CNNM1: variants seen among roughly 807,000 people sequenced by gnomAD.
CNNM1 encodes cyclin and CBS domain divalent metal cation transport mediator 1, also known as metal transporter CNNM1.
CNNM1 carries 44 observed loss-of-function variants against 78.8 expected under a neutral mutation model. The ratio of observed to expected loss-of-function variants is 0.56; its 90% CI spans 0.44 to 0.72. The LOEUF is 0.72. Among genes scored for constraint, CNNM1 ranks in the 30% least tolerant of loss-of-function variants. The probability of loss-of-function intolerance (pLI) is 0.00; values close to 1 mark genes in which losing one functional copy is unlikely to be tolerated. For synonymous variants in CNNM1, 584 were observed against 581.5 expected, an observed-to-expected ratio of 1.00 and a Z score of -0.06; for missense variants, 1,101 against 1,292.2, an observed-to-expected ratio of 0.85 and a Z score of 2.27.
chr10:99,363,740 CTTTTT>C (rs869281521), intron 4 of CNNM1, among the ~76,000 whole-genome samples: 112 of 121,894 alleles, frequency 9.2e-4, no homozygotes, highest in African/African-American at 3.5e-3. Flanking sequence ...TAGATTTTAT[CTTTTT>C]TTTTTTTTTT....
chr10:99,364,988 G>A lies in CNNM1; in HGVS notation c.2162G>A (p.Gly721Glu). The A allele has an allele frequency of 3.7e-6, 6 of 1,613,878 alleles. No homozygotes were observed. The highest frequency in any genetic ancestry group is 1.3e-5 in the African/African-American group (1 of 75,016). ...NDVRKVGSLA[G>E]SSVFLNRSPS... ...GTGCGGAAGGTTGGAAGTCTGGCTG[G>A]ATCTTCTGTCTTTCGTATGTATCTC... is the stretch of plus-strand genomic sequence containing the variant. Residue 721 changes from glycine (G) to glutamate (E), a missense_variant, in exon 6 of 11, where the codon GGA (glycine) becomes GAA (glutamate). Transcript: ENST00000356713.
chr10:99,357,881 G>A (rs2031277904), intron 2 of CNNM1, among the ~76,000 whole-genome samples: 1 of 152,168 alleles, frequency 6.6e-6, no homozygotes, highest in Non-Finnish European at 1.5e-5. Context: ...GAACCTTCAG[G>A]AACTGAGCCA....
chr10:99,386,764 G>A (rs2032318859), intron 7 of CNNM1, among the ~76,000 whole-genome samples: 2 of 152,152 alleles, frequency 1.3e-5, no homozygotes, highest in African/African-American at 2.4e-5. Flanking sequence ...CAACATGTCA[G>A]CCTTAACCAT....
chr10:99,357,915 A>G (rs1401990588), intron 2 of CNNM1, among the ~76,000 whole-genome samples: 1 of 152,168 alleles, frequency 6.6e-6, no homozygotes, highest in East Asian at 1.9e-4. Flanking sequence ...GAGACCTCCC[A>G]GCCTTTGGAT....
At chr10:99,345,146 T>G (rs73328310) in intron 1 of CNNM1, among the ~76,000 whole-genome samples, 4,202 of 152,264 alleles carry the variant, frequency 0.028, 190 homozygotes, top group African/African-American at 0.095. Flanking sequence ...AGTTTCCTTA[T>G]CTACATATTA....
intron 1 of CNNM1, among the ~76,000 whole-genome samples, chr10:99,332,205 T>C (rs1333404620): frequency 6.6e-6 from 1 of 152,136 alleles, no homozygotes; most frequent in Non-Finnish European, 1.5e-5. Flanking sequence ...ACACCAGACA[T>C]CATAATTTGA....
intron 1 of CNNM1, among the ~76,000 whole-genome samples, chr10:99,337,475 T>A (rs7914148): frequency 6.6e-6 from 1 of 152,166 alleles, no homozygotes; most frequent in African/African-American, 2.4e-5. Context: ...TTTATTCACA[T>A]TGCACTTCTG....
Position 99,330,597 on chromosome 10 carries a change from G to A in CNNM1, c.1210G>A (p.Ala404Thr). 1 of 1,612,666 alleles carries A rather than the reference G, an allele frequency of 6.2e-7. No homozygotes were observed. The highest frequency in any genetic ancestry group is 8.5e-7 in the Non-Finnish European group (1 of 1,179,384). ...GAAGTTGCTGGAGACGTTGCGGGCC[G>A]CAGACCCCTACAGTGACCTGGTGAA... The part of the protein sequence containing the change: ...REKLLETLRA[A>T]DPYSDLVKEE... Residue 404 changes from alanine to threonine, a missense_variant, in exon 1 of 11, where the codon GCA becomes ACA. By Grantham distance (58) the Ala-to-Thr change is moderately conservative. Coordinates refer to ENST00000356713, the MANE Select transcript of CNNM1 (RefSeq NM_020348.3).
chr10:99,359,496 A>C (rs533013120), intron 2 of CNNM1, among the ~76,000 whole-genome samples: 1 of 152,128 alleles, frequency 6.6e-6, no homozygotes, highest in Admixed American at 6.5e-5. Flanking sequence ...TGATCTGGAC[A>C]CCTGGGTCTG....
intron 1 of CNNM1, among the ~76,000 whole-genome samples, chr10:99,350,682 G>A (rs1389131602): frequency 6.6e-6 from 1 of 152,062 alleles, no homozygotes; most frequent in African/African-American, 2.4e-5. Flanking sequence ...AGGATGTGTA[G>A]GTTTGTTACA....
intron 1 of CNNM1, among the ~76,000 whole-genome samples, chr10:99,352,977 T>C (rs935351445): frequency 2.6e-5 from 4 of 152,202 alleles, no homozygotes; most frequent in African/African-American, 9.7e-5. Context: ...TATATGTAGG[T>C]GCTTGATCCA....
intron 9 of CNNM1, 67 bp from the exon 10 acceptor site, chr10:99,390,239 A>G: frequency 1.7e-6 from 2 of 1,154,718 alleles, no homozygotes; most frequent in Non-Finnish European, 2.5e-6. Context: ...ATCACTCAGA[A>G]TCACCCTCTC....
chr10:99,348,929 G>A (rs2030820905), intron 1 of CNNM1, among the ~76,000 whole-genome samples: 1 of 151,920 alleles, frequency 6.6e-6, no homozygotes, highest in South Asian at 2.1e-4. Flanking sequence ...AAATAGCCAG[G>A]CCTGCTGGCT....
chr10:99,333,185 T>C (rs56154936), intron 1 of CNNM1, among the ~76,000 whole-genome samples: 6,585 of 152,218 alleles, frequency 0.043, 486 homozygotes, highest in African/African-American at 0.15. Flanking sequence ...ACCAGTCAGA[T>C]TGGATTAGAG....
At position 99,387,884 on chromosome 10, in the gene CNNM1, C is replaced by A; in HGVS notation, c.2405C>A (p.Pro802His). ...CACATGGACAGCTCACCTCAGTCCC[C>A]TGACATGGAGGCCTTCACAGACGGG... ...ACHMDSSPQSPDMEAFTDGDS... is the reference protein window; with the variant it reads ...ACHMDSSPQSHDMEAFTDGDS... The change falls in exon 8 of 11, where the codon CCT becomes CAT. Residue 802 changes from proline to histidine, a missense_variant. By Grantham distance (77) the Pro-to-His change is moderately conservative. Around this residue, in one of 3 missense-constraint regions of CNNM1, gnomAD observed 348 missense variants for 384.5 expected, o/e 0.90. Transcript: ENST00000356713. 1 of 1,613,734 alleles carries A rather than the reference C, an allele frequency of 6.2e-7. No homozygotes were observed. Among genetic ancestry groups the A allele is most frequent in the Non-Finnish European group, 8.5e-7 (1 of 1,179,784 alleles).
At chr10:99,387,767 A>G in intron 7 of CNNM1, 53 bp from the exon 8 acceptor site, 3 of 1,495,856 alleles carry the variant, frequency 2.0e-6, no homozygotes, top group Non-Finnish European at 2.7e-6. Flanking sequence ...GGCTGGCTGC[A>G]TCCGGGTGGT....
At chr10:99,352,062 C>A (rs2030969805) in intron 1 of CNNM1, among the ~76,000 whole-genome samples, 1 of 152,104 alleles carries the variant, frequency 6.6e-6, no homozygotes, top group South Asian at 2.1e-4. Context: ...GTGCAGGCAT[C>A]CCTACTAATC....
chr10:99,362,108 C>A (rs978158828), intron 3 of CNNM1, 119 bp from the exon 4 acceptor site: 8 of 912,110 alleles, frequency 8.8e-6, no homozygotes, highest in Admixed American at 3.2e-5. Flanking sequence ...CAACCTGATG[C>A]CCAGGTACAG....
chr10:99,360,780 C>T (rs2031401936), intron 2 of CNNM1, 55 bp from the exon 3 acceptor site: 1 of 1,528,746 alleles, frequency 6.5e-7, no homozygotes, highest in African/African-American at 1.4e-5. Flanking sequence ...GGGAAAACCT[C>T]CAAAGATCAA....
Sources: allele counts gnomAD v4.1 joint callset (sites outside exome capture counted in the v4.1 genomes callset), GRCh38; gene constraint gnomAD v4.1.1; regional missense constraint gnomAD v4.1.1; transcripts MANE v1.5; gene names NCBI Gene and HGNC (gene_info 2026-07-23, HGNC 2026-07-21).